The following GRID2 variants were observed in gnomAD, a reference collection of about 807,000 sequenced individuals.
GRID2 encodes the protein glutamate receptor ionotropic, delta-2.
A neutral mutation model predicts 114.8 loss-of-function variants in GRID2; 33 were observed. That is an observed-to-expected ratio of 0.29 (90% confidence interval 0.22 to 0.38). The LOEUF is 0.38. GRID2 is among the 10% of genes least tolerant of loss of function. GRID2 has a pLI of 1.00. For synonymous variants in GRID2, 505 were observed against 449.9 expected (o/e 1.12, Z -1.55); for missense variants, 1,184 against 1,257.7 (o/e 0.94, Z 0.89).
intron 2 of GRID2, among the ~76,000 whole-genome samples, chr4:92,877,250 G>A (rs530426120): frequency 6.6e-6 from 1 of 152,288 alleles, no homozygotes; most frequent in South Asian, 2.1e-4. Context: ...TCTAAGGTAG[G>A]AAATTGCTTA....
At chr4:93,807,644 C>T (rs1735057388) in exon 2 of GRID2, 2 of 144,332 alleles carry the variant, frequency 1.4e-5, no homozygotes, top group Non-Finnish European at 3.2e-5. Flanking sequence ...CCTGTATATA[C>T]TACCCAGCGC....
At chr4:93,145,990 G>GTA (rs1483869041) in intron 4 of GRID2, among the ~76,000 whole-genome samples, 24 of 151,628 alleles carry the variant, frequency 1.6e-4, no homozygotes, top group Admixed American at 7.9e-4. Flanking sequence ...ATAGACAAAG[G>GTA]TATATATATA....
chr4:92,734,604 A>G (rs901400855), intron 2 of GRID2, among the ~76,000 whole-genome samples: 2 of 151,870 alleles, frequency 1.3e-5, no homozygotes, highest in Non-Finnish European at 2.9e-5. Flanking sequence ...TTACTTGGTG[A>G]AATTTCTAAA....
chr4:92,832,727 C>G (rs1742201668), intron 2 of GRID2, among the ~76,000 whole-genome samples: 1 of 151,986 alleles, frequency 6.6e-6, no homozygotes, highest in South Asian at 2.1e-4. Flanking sequence ...GTGGAGGTTG[C>G]AGTGAGCCGA....
At chr4:92,851,865 A>C (rs529908151) in intron 2 of GRID2, among the ~76,000 whole-genome samples, 1 of 152,046 alleles carries the variant, frequency 6.6e-6, no homozygotes, top group East Asian at 1.9e-4. Flanking sequence ...TTCACAAAAC[A>C]GGAATGAATC....
intron 1 of GRID2, among the ~76,000 whole-genome samples, chr4:92,444,153 G>T (rs1184383981): frequency 6.6e-6 from 1 of 152,192 alleles, no homozygotes; most frequent in African/African-American, 2.4e-5. Flanking sequence ...AGGAGGACAG[G>T]GGATTGATCT....
intron 2 of GRID2, among the ~76,000 whole-genome samples, chr4:92,749,559 C>A (rs1737338246): frequency 6.6e-6 from 1 of 152,036 alleles, no homozygotes; most frequent in South Asian, 2.1e-4. Context: ...GTGATCCGCC[C>A]GCCTCGGCCT....
intron 2 of GRID2, among the ~76,000 whole-genome samples, chr4:92,638,489 TAAAA>T (rs1344146746): frequency 6.8e-6 from 1 of 147,632 alleles, no homozygotes; most frequent in Admixed American, 6.8e-5. Context: ...ATATATAAAA[TAAAA>T]TTTTATATAT....
At chr4:92,692,915 C>T (rs1358614130) in intron 2 of GRID2, among the ~76,000 whole-genome samples, 9 of 151,368 alleles carry the variant, frequency 5.9e-5, no homozygotes, top group South Asian at 2.1e-4. Flanking sequence ...CCTAGCTACT[C>T]GGGAGGCTGG....
At chr4:92,942,780 C>G (rs1170319998) in intron 2 of GRID2, among the ~76,000 whole-genome samples, 2 of 152,144 alleles carry the variant, frequency 1.3e-5, no homozygotes, top group African/African-American at 4.8e-5. Flanking sequence ...GACAAAATCT[C>G]TCAGCATTTG....
intron 2 of GRID2, among the ~76,000 whole-genome samples, chr4:92,818,146 C>T (rs1041501682): frequency 3.9e-5 from 6 of 152,216 alleles, no homozygotes; most frequent in African/African-American, 1.4e-4. Flanking sequence ...TCAGGTGTCA[C>T]ACTAAACTTC....
chr4:93,503,573 GT>G (rs926118378), intron 12 of GRID2, among the ~76,000 whole-genome samples: 57 of 149,048 alleles, frequency 3.8e-4, no homozygotes, highest in African/African-American at 1.4e-3. Flanking sequence ...AGAACATGCG[GT>G]GTTCGGTTTT....
At chr4:92,524,843 T>C (rs1368086124) in intron 1 of GRID2, among the ~76,000 whole-genome samples, 7 of 151,936 alleles carry the variant, frequency 4.6e-5, no homozygotes, top group Admixed American at 4.6e-4. Flanking sequence ...CCTATGACAA[T>C]GGCTGATGTT....
At chr4:93,532,031 T>A (rs1303830843) in intron 13 of GRID2, among the ~76,000 whole-genome samples, 1 of 152,118 alleles carries the variant, frequency 6.6e-6, no homozygotes, top group East Asian at 1.9e-4. Context: ...AAAAAGGAGT[T>A]TGAATCTGAA....
chr4:93,333,824 A>G lies in GRID2; in HGVS notation c.1246-61783A>G, dbSNP rs76243232. Among the ~76,000 whole-genome samples the G allele has an allele frequency of 4.7e-3, 711 of 152,236 alleles. 3 individuals are homozygous for G. The highest frequency in any genetic ancestry group is 0.016 in the African/African-American group (668 of 41,496). On this transcript the variant is annotated intron_variant, in intron 8 of 15. Coordinates refer to ENST00000282020, the MANE Select transcript of GRID2 (RefSeq NM_001510.4). ...TCTGAAAGTTTACTTATGAGTCAATAAAGTTTCTTCTTTTTATCTTGTATT... is the reference window on the plus strand; with the variant it reads ...TCTGAAAGTTTACTTATGAGTCAATGAAGTTTCTTCTTTTTATCTTGTATT...
intron 2 of GRID2, among the ~76,000 whole-genome samples, chr4:93,018,710 G>C (rs1376263909): frequency 6.6e-6 from 1 of 152,068 alleles, no homozygotes; most frequent in Non-Finnish European, 1.5e-5. Context: ...GAGAAAGTAA[G>C]TTAAAAAATC....
chr4:92,485,557 T>G (rs6835375), intron 1 of GRID2, among the ~76,000 whole-genome samples: 62,167 of 150,446 alleles, frequency 0.41, 13,974 homozygotes, highest in African/African-American at 0.6. Flanking sequence ...AGGCATGGTG[T>G]CACGTGCCTG....
chr4:92,658,006 T>C (rs910247202), intron 2 of GRID2, among the ~76,000 whole-genome samples: 1 of 151,808 alleles, frequency 6.6e-6, no homozygotes, highest in Non-Finnish European at 1.5e-5. Flanking sequence ...GCTAATATAT[T>C]GTGATTGTTT....
chr4:93,749,964 G>A (rs1449150934), intron 14 of GRID2, among the ~76,000 whole-genome samples: 4 of 152,196 alleles, frequency 2.6e-5, no homozygotes, highest in Non-Finnish European at 4.4e-5. Context: ...GAACAATGCA[G>A]GTGAAGAGAT....
Sources: allele counts gnomAD v4.1 joint callset (sites outside exome capture counted in the v4.1 genomes callset), GRCh38; gene constraint gnomAD v4.1.1; transcripts MANE v1.5; gene names NCBI Gene and HGNC (gene_info 2026-07-23, HGNC 2026-07-21).